The following CNTN5 variants were observed in gnomAD, a reference collection of about 807,000 sequenced individuals.
CNTN5 encodes contactin-5.
In CNTN5, 77 loss-of-function variants were observed where a neutral mutation model predicts 129.1. That is an observed-to-expected ratio of 0.60 (90% CI 0.50 to 0.72). CNTN5 has a LOEUF of 0.72. CNTN5 is among the 30% of genes least tolerant of loss of function. The pLI, the probability that CNTN5 is intolerant of heterozygous loss-of-function variation, is 0.00. For missense variants in CNTN5, 1,478 were observed against 1,328.8 expected (o/e 1.11, Z -1.75); for synonymous variants, 509 against 465.6 (o/e 1.09, Z -1.20).
chr11:99,043,060 T>G (rs1290037128), intron 1 of CNTN5, among the ~76,000 whole-genome samples: 1 of 152,158 alleles, frequency 6.6e-6, no homozygotes, highest in African/African-American at 2.4e-5. Flanking sequence ...TTCCTATCCT[T>G]ATAAGAAAAT....
chr11:99,920,724 C>G (rs1430365961), intron 7 of CNTN5, among the ~76,000 whole-genome samples: 4 of 152,184 alleles, frequency 2.6e-5, no homozygotes, highest in Non-Finnish European at 2.9e-5. Context: ...AGGGGCCAGA[C>G]AGCTCTCTTG....
chr11:100,250,747 G>C (rs562395455), intron 16 of CNTN5, among the ~76,000 whole-genome samples: 38 of 152,144 alleles, frequency 2.5e-4, no homozygotes, highest in Admixed American at 1.0e-3. Flanking sequence ...TTTTGTTCCA[G>C]CTGAAAGTTT....
intron 1 of CNTN5, among the ~76,000 whole-genome samples, chr11:99,166,593 C>T (rs1031072712): frequency 6.6e-6 from 1 of 151,910 alleles, no homozygotes; most frequent in Non-Finnish European, 1.5e-5. Flanking sequence ...GCATGCAAGG[C>T]ATTTATAGAC....
intron 1 of CNTN5, among the ~76,000 whole-genome samples, chr11:99,046,315 G>C (rs991555039): frequency 3.3e-5 from 5 of 152,132 alleles, no homozygotes; most frequent in Non-Finnish European, 7.3e-5. Flanking sequence ...ACTCCAGCCT[G>C]GGTGACACAG....
chr11:100,127,651 CTTTTTTTTT>C (rs66468227), intron 13 of CNTN5, among the ~76,000 whole-genome samples: 21 of 81,278 alleles, frequency 2.6e-4, no homozygotes, highest in Non-Finnish European at 4.0e-4. Flanking sequence ...TTCTTTCTTT[CTTTTTTTTT>C]TTTTTTTTTT....
At chr11:100,232,649 C>T (rs2138653597) in intron 16 of CNTN5, among the ~76,000 whole-genome samples, 1 of 152,156 alleles carries the variant, frequency 6.6e-6, no homozygotes, top group East Asian at 1.9e-4. Flanking sequence ...CCTTGTTATC[C>T]CTTCGTTCAT....
chr11:99,710,420 G>A (rs1003684875), intron 3 of CNTN5, among the ~76,000 whole-genome samples: 13 of 151,746 alleles, frequency 8.6e-5, no homozygotes, highest in Admixed American at 2.0e-4. Context: ...GTGAGTTAAG[G>A]GTGTGTGTCT....
intron 1 of CNTN5, among the ~76,000 whole-genome samples, chr11:99,315,378 A>T (rs1865297514): frequency 6.7e-6 from 1 of 149,766 alleles, no homozygotes; most frequent in South Asian, 2.1e-4. Context: ...TATAGTTTAA[A>T]GGGCAAGATG....
At chr11:99,624,950 G>T (rs1951077094) in intron 3 of CNTN5, among the ~76,000 whole-genome samples, 1 of 152,174 alleles carries the variant, frequency 6.6e-6, no homozygotes, top group Non-Finnish European at 1.5e-5. Context: ...CATGGTGTTT[G>T]TTTCACTTGA....
At chr11:99,494,507 T>A (rs1337208175) in intron 2 of CNTN5, among the ~76,000 whole-genome samples, 1 of 152,194 alleles carries the variant, frequency 6.6e-6, no homozygotes, top group African/African-American at 2.4e-5. Context: ...GAAGAAAATC[T>A]TGTTACTTTC....
At chr11:99,106,855 A>G (rs1483855455) in intron 1 of CNTN5, among the ~76,000 whole-genome samples, 2 of 152,130 alleles carry the variant, frequency 1.3e-5, no homozygotes, top group East Asian at 3.9e-4. Flanking sequence ...ATGTCCGCTA[A>G]AAGGTATTAT....
intron 9 of CNTN5, among the ~76,000 whole-genome samples, chr11:100,040,775 C>G (rs115463304): frequency 0.11 from 16,132 of 152,246 alleles, 934 homozygotes; most frequent in East Asian, 0.18. Context: ...CCCTCCTAGC[C>G]AAGTGCGGGA....
chr11:99,190,021 A>T (rs969370529), intron 1 of CNTN5, among the ~76,000 whole-genome samples: 1 of 151,562 alleles, frequency 6.6e-6, no homozygotes. Context: ...TTTTTCTAGT[A>T]GTTTTATAGT....
intron 3 of CNTN5, among the ~76,000 whole-genome samples, chr11:99,692,566 C>G (rs1446498069): frequency 2.0e-5 from 3 of 152,030 alleles, no homozygotes; most frequent in African/African-American, 7.2e-5. Context: ...TGCCCTCAAT[C>G]TCTTCTGGTT....
chr11:99,995,113 A>T (rs866445334), intron 8 of CNTN5, among the ~76,000 whole-genome samples: 1 of 152,154 alleles, frequency 6.6e-6, no homozygotes, highest in Admixed American at 6.6e-5. Context: ...TTTAGACTGG[A>T]AAGTAATTGA....
intron 6 of CNTN5, among the ~76,000 whole-genome samples, chr11:99,846,667 A>C (rs144703883): frequency 0.013 from 2,020 of 152,242 alleles, 47 homozygotes; most frequent in African/African-American, 0.045. Context: ...GAAGAATGTA[A>C]TAATTGATAT....
At chr11:99,151,151 G>T (rs2135487876) in intron 1 of CNTN5, among the ~76,000 whole-genome samples, 1 of 152,142 alleles carries the variant, frequency 6.6e-6, no homozygotes, top group East Asian at 1.9e-4. Flanking sequence ...ATTCCAGAAG[G>T]TGCCTTTAGT....
At position 99,442,089 on chromosome 11, in the gene CNTN5, G is replaced by A. The variant is rs1458559785; in HGVS notation, c.-70-114056G>A. ...CCTTTTTTATGGCATTTTCACATTT[G>A]TTGTAGTTATTTGAGTGCATGCCTT... On this transcript the variant is annotated intron_variant, in intron 2 of 24. Transcript: ENST00000524871. Among the ~76,000 whole-genome samples, 4 of 152,106 alleles carry A rather than the reference G, an allele frequency of 2.6e-5. No homozygotes were observed. The East Asian group carries it at 5.8e-4, about 22-fold the overall frequency.
intron 1 of CNTN5, among the ~76,000 whole-genome samples, chr11:99,244,110 T>C (rs1036214908): frequency 2.6e-5 from 4 of 152,176 alleles, no homozygotes; most frequent in African/African-American, 7.2e-5. Flanking sequence ...AGAATGTTTT[T>C]TCCATTTGTT....
Sources: allele counts gnomAD v4.1 joint callset (sites outside exome capture counted in the v4.1 genomes callset), GRCh38; gene constraint gnomAD v4.1.1; transcripts MANE v1.5; gene names NCBI Gene and HGNC (gene_info 2026-07-23, HGNC 2026-07-21).